Variants in PIK3C2G observed in about 807,000 individuals in gnomAD.
PIK3C2G encodes the protein phosphatidylinositol 3-kinase C2 domain-containing subunit gamma.
Under a neutral mutation model 181.1 loss-of-function variants are expected in PIK3C2G, and 168 were observed. The ratio of observed to expected loss-of-function variants is 0.93; its 90% CI spans 0.82 to 1.05. PIK3C2G has a LOEUF of 1.05. Among genes scored for constraint, PIK3C2G ranks in the 50% least tolerant of loss-of-function variants. The pLI, the probability that PIK3C2G is intolerant of heterozygous loss-of-function variation, is 0.00. For missense variants in PIK3C2G, 1,869 were observed against 1,732.8 expected, an observed-to-expected ratio of 1.08 and a Z score of -1.40; for synonymous variants, 573 against 592.2, an observed-to-expected ratio of 0.97 and a Z score of 0.47.
intron 9 of PIK3C2G, among the ~76,000 whole-genome samples, chr12:18,340,008 T>C (rs1938973108): frequency 6.6e-6 from 1 of 152,150 alleles, no homozygotes; most frequent in African/African-American, 2.4e-5. Flanking sequence ...ACACCTTCTC[T>C]TTTACTTTCC....
the PIK3C2G span, chr12:18,693,158 G>T: frequency 1.3e-6 from 2 of 1,536,200 alleles, no homozygotes; most frequent in Non-Finnish European, 1.8e-6. Context: ...CTACATCTGT[G>T]GGCTCAGAAC....
intron 1 of PIK3C2G, among the ~76,000 whole-genome samples, chr12:18,262,832 G>T (rs1342047914): frequency 6.6e-6 from 1 of 152,154 alleles, no homozygotes; most frequent in African/African-American, 2.4e-5. Flanking sequence ...AGCTTAGGAA[G>T]AAAACGTGAT....
intron 8 of PIK3C2G, among the ~76,000 whole-genome samples, chr12:18,332,254 G>C (rs2137546420): frequency 6.6e-6 from 1 of 152,210 alleles, no homozygotes; most frequent in Non-Finnish European, 1.5e-5. Flanking sequence ...GACAGCTCCT[G>C]CTTGTCTGTG....
At chr12:18,530,150 C>G (rs1337362596) in intron 24 of PIK3C2G, among the ~76,000 whole-genome samples, 1 of 152,194 alleles carries the variant, frequency 6.6e-6, no homozygotes, top group Non-Finnish European at 1.5e-5. Context: ...CTGCTTTAAG[C>G]AGATGACCAT....
chr12:18,465,901 A>G (rs898468612), intron 18 of PIK3C2G, among the ~76,000 whole-genome samples: 8 of 151,600 alleles, frequency 5.3e-5, no homozygotes, highest in Non-Finnish European at 1.0e-4. Flanking sequence ...GGAATCCCAT[A>G]TATTAGATCT....
chr12:18,292,227 A>AAAAAAAAAAAAAAATAT, intron 4 of PIK3C2G, among the ~76,000 whole-genome samples: 7 of 48,732 alleles, frequency 1.4e-4, no homozygotes, highest in East Asian at 6.8e-4. Flanking sequence ...AAAAAAAAAA[A>AAAAAAAAAAAAAAATAT]ATATATATAT....
intron 6 of PIK3C2G, among the ~76,000 whole-genome samples, chr12:18,318,549 A>T (rs1428673995): frequency 6.6e-6 from 1 of 152,078 alleles, no homozygotes; most frequent in Non-Finnish European, 1.5e-5. Context: ...ATTTATGAAC[A>T]ATTATAATCT....
Position 18,391,114 on chromosome 12 carries a change from T to C in PIK3C2G, c.1996-8T>C, listed in dbSNP as rs768048822. The C allele has an allele frequency of 4.4e-6, 7 of 1,591,624 alleles. No homozygotes were observed. The South Asian group carries it at 8.1e-5, about 18-fold the overall frequency. ...TCAACACATGGCAAATCATTTTTTTTCTTTCAGATTGATTTTCCAGCTACT... is the reference window on the plus strand; with the variant it reads ...TCAACACATGGCAAATCATTTTTTTCCTTTCAGATTGATTTTCCAGCTACT... On this transcript the variant is annotated splice_polypyrimidine_tract_variant and splice_region_variant and intron_variant, in intron 14 of 32. Coordinates refer to ENST00000538779, the MANE Select transcript of PIK3C2G (RefSeq NM_001288772.2).
the PIK3C2G span, among the ~76,000 whole-genome samples, chr12:18,697,538 C>T: frequency 2.6e-5 from 4 of 152,026 alleles, no homozygotes; most frequent in African/African-American, 9.7e-5. Context: ...CTGAGATTAA[C>T]CTTTAGAAAA....
the PIK3C2G span, chr12:18,688,028 A>G: frequency 6.3e-7 from 1 of 1,588,758 alleles, no homozygotes; most frequent in South Asian, 1.1e-5. Flanking sequence ...TCAACATATA[A>G]TTTGTAAGCT....
At position 18,488,647 on chromosome 12, in the gene PIK3C2G, T is replaced by G. The variant is rs1192329063; in HGVS notation, c.2685+18T>G. The G allele has an allele frequency of 7.0e-7, 1 of 1,426,300 alleles. No individual in the cohort carries two copies. The highest frequency in any genetic ancestry group is 1.8e-4 in the Middle Eastern group (1 of 5,416). 88.4% of individuals were successfully genotyped at this position (1,426,300 alleles called of 1,614,324 possible). A position where few individuals can be genotyped will look rare whatever the true frequency, so the allele number is the denominator to read the frequency against. On this transcript the variant is annotated intron_variant, in intron 19 of 32. Transcript: ENST00000538779. ...AAAGACAGGTTTGTTGAAATATTAA[T>G]ATTCAGGTAGTAATGTTTTTAACTT... is the stretch of plus-strand genomic sequence containing the variant.
intron 32 of PIK3C2G, among the ~76,000 whole-genome samples, chr12:18,645,146 C>A (rs1329839341): frequency 6.7e-6 from 1 of 150,004 alleles, no homozygotes; most frequent in African/African-American, 2.5e-5. Flanking sequence ...ATTTTTGGTT[C>A]TGAGTATGTA....
chr12:18,409,847 G>A (rs752670790), intron 16 of PIK3C2G, among the ~76,000 whole-genome samples: 6 of 152,102 alleles, frequency 3.9e-5, no homozygotes, highest in Non-Finnish European at 8.8e-5. Context: ...TGGTTGGGGA[G>A]GCCTCAGGAA....
At chr12:18,383,380 T>C (rs531158233) in intron 14 of PIK3C2G, among the ~76,000 whole-genome samples, 3 of 152,204 alleles carry the variant, frequency 2.0e-5, no homozygotes, top group Non-Finnish European at 4.4e-5. Flanking sequence ...ATAGCCATTG[T>C]AGGGACACTA....
chr12:18,265,242 T>G (rs943141035), intron 1 of PIK3C2G, among the ~76,000 whole-genome samples: 1 of 152,232 alleles, frequency 6.6e-6, no homozygotes, highest in African/African-American at 2.4e-5. Context: ...ACTTGGTTTC[T>G]GATGTGAGAA....
At chr12:18,530,009 C>G (rs1943460372) in intron 24 of PIK3C2G, among the ~76,000 whole-genome samples, 2 of 152,102 alleles carry the variant, frequency 1.3e-5, no homozygotes, top group Non-Finnish European at 2.9e-5. Flanking sequence ...AAACATGTCA[C>G]TAGTTTAAAA....
At chr12:18,544,916 T>C (rs1168018638) in intron 25 of PIK3C2G, among the ~76,000 whole-genome samples, 1 of 151,902 alleles carries the variant, frequency 6.6e-6, no homozygotes, top group East Asian at 1.9e-4. Context: ...TACATTTATT[T>C]AAAATCCAAT....
chr12:18,429,642 T>C (rs529765801), intron 18 of PIK3C2G, among the ~76,000 whole-genome samples: 1 of 152,176 alleles, frequency 6.6e-6, no homozygotes, highest in African/African-American at 2.4e-5. Flanking sequence ...CATGTCACAC[T>C]CTTCCATGTA....
At chr12:18,492,398 TA>T in intron 20 of PIK3C2G, among the ~76,000 whole-genome samples, 1 of 152,356 alleles carries the variant, frequency 6.6e-6, no homozygotes, top group East Asian at 1.9e-4. Flanking sequence ...AAAAACTTGA[TA>T]CCATCATCTT....
Sources: gnomAD v4.1 joint callset for allele counts (sites outside exome capture counted in the v4.1 genomes callset) on GRCh38, gnomAD v4.1.1 for gene constraint, MANE v1.5 for transcripts, NCBI Gene and HGNC (gene_info 2026-07-23, HGNC 2026-07-21) for gene names.